Variants in SCMH1 observed in about 807,000 individuals in gnomAD.
SCMH1 encodes the protein Scm polycomb group protein homolog 1, also known as polycomb protein SCMH1.
In SCMH1, 37 loss-of-function variants were observed where a neutral mutation model predicts 70.8. The ratio of observed to expected loss-of-function variants is 0.52; its 90% CI spans 0.40 to 0.69. The LOEUF (loss-of-function observed/expected upper bound fraction) is 0.69, where lower values mean the gene tolerates loss of function less well. Ranked by LOEUF, SCMH1 falls within the 30% of genes least tolerant of loss-of-function variation. The pLI, the probability that SCMH1 is intolerant of heterozygous loss-of-function variation, is 0.00. For synonymous variants in SCMH1, 292 were observed against 307.4 expected (o/e 0.95, Z 0.52); for missense variants, 607 against 827.3 (o/e 0.73, Z 3.27).
intron 1 of SCMH1, among the ~76,000 whole-genome samples, chr1:41,207,486 G>A (rs1333203963): frequency 1.3e-5 from 2 of 152,184 alleles, no homozygotes; most frequent in Non-Finnish European, 2.9e-5. Context: ...AACAAGAAGA[G>A]CTAACTATCC....
At chr1:41,046,590 C>G in exon 12 of SCMH1, 1 of 1,613,968 alleles carries the variant, frequency 6.2e-7, no homozygotes, top group Non-Finnish European at 8.5e-7. Flanking sequence ...TGTTCCCGGT[C>G]AAACACGGCT....
intron 10 of SCMH1, among the ~76,000 whole-genome samples, chr1:41,058,845 C>T (rs1020195328): frequency 6.6e-6 from 1 of 152,172 alleles, no homozygotes; most frequent in African/African-American, 2.4e-5. Flanking sequence ...GCAGACATCT[C>T]TGGGTTGGTG....
intron 1 of SCMH1, among the ~76,000 whole-genome samples, chr1:41,215,469 A>G (rs1341897759): frequency 6.6e-6 from 1 of 151,876 alleles, no homozygotes; most frequent in Non-Finnish European, 1.5e-5. Flanking sequence ...TCTTTACATT[A>G]TTTTATTTTA....
intron 4 of SCMH1, among the ~76,000 whole-genome samples, chr1:41,154,833 G>T (rs1224608939): frequency 6.6e-6 from 1 of 152,148 alleles, no homozygotes; most frequent in Non-Finnish European, 1.5e-5. Flanking sequence ...AGTATAATTT[G>T]AATGTTTTCA....
At chr1:41,235,328 T>C (rs954002416) in intron 1 of SCMH1, among the ~76,000 whole-genome samples, 4 of 151,848 alleles carry the variant, frequency 2.6e-5, no homozygotes, top group Admixed American at 6.6e-5. Flanking sequence ...AAAATATACA[T>C]ATATTTGGGA....
chr1:41,193,996 C>T (rs1410515766), intron 1 of SCMH1, among the ~76,000 whole-genome samples: 1 of 152,180 alleles, frequency 6.6e-6, no homozygotes, highest in African/African-American at 2.4e-5. Context: ...ATACTAATTA[C>T]GAACTTACAA....
At chr1:41,116,513 T>C (rs1174418538) in intron 7 of SCMH1, among the ~76,000 whole-genome samples, 1 of 152,186 alleles carries the variant, frequency 6.6e-6, no homozygotes, top group South Asian at 2.1e-4. Context: ...GGGTATTACA[T>C]GAGATAGTAT....
At chr1:41,184,346 G>T (rs1300058712) in intron 2 of SCMH1, among the ~76,000 whole-genome samples, 1 of 152,090 alleles carries the variant, frequency 6.6e-6, no homozygotes, top group African/African-American at 2.4e-5. Context: ...TACAGGCAAA[G>T]AACTGATCAG....
chr1:41,211,718 T>C (rs1372325482), intron 1 of SCMH1, among the ~76,000 whole-genome samples: 1 of 152,202 alleles, frequency 6.6e-6, no homozygotes, highest in Non-Finnish European at 1.5e-5. Flanking sequence ...CATGCACACA[T>C]ATGTTTACTG....
chr1:41,098,198 C>A (rs1159541316), intron 8 of SCMH1, among the ~76,000 whole-genome samples: 2 of 152,278 alleles, frequency 1.3e-5, no homozygotes, highest in East Asian at 1.9e-4. Context: ...TTCACAAGCA[C>A]CTGCTTCTGT....
At chr1:41,172,193 A>AC (rs1646832419) in intron 2 of SCMH1, among the ~76,000 whole-genome samples, 1 of 151,950 alleles carries the variant, frequency 6.6e-6, no homozygotes, top group Non-Finnish European at 1.5e-5. Flanking sequence ...TCAAAAAAAA[A>AC]AAAAAAAACG....
chr1:41,078,344 C>T (rs552525066), intron 8 of SCMH1, among the ~76,000 whole-genome samples: 6 of 152,140 alleles, frequency 3.9e-5, no homozygotes, highest in South Asian at 4.1e-4. Flanking sequence ...AAGGTAACAG[C>T]GGAGACTTAA....
At chr1:41,066,161 G>T (rs115850765) in intron 10 of SCMH1, among the ~76,000 whole-genome samples, 2 of 152,182 alleles carry the variant, frequency 1.3e-5, no homozygotes, top group African/African-American at 2.4e-5. Flanking sequence ...AAAATGGTGC[G>T]TCAACTGTAG....
exon 9 of SCMH1, chr1:41,075,318 C>T: frequency 6.2e-7 from 1 of 1,614,138 alleles, no homozygotes; most frequent in Non-Finnish European, 8.5e-7. Context: ...TCTTGGGTGT[C>T]CGGCCCCGCT....
intron 1 of SCMH1, among the ~76,000 whole-genome samples, chr1:41,219,745 C>G (rs1459905379): frequency 6.6e-6 from 1 of 152,110 alleles, no homozygotes; most frequent in Non-Finnish European, 1.5e-5. Context: ...GCCTGGCCAA[C>G]ACGGCGAAAC....
In SCMH1 at chr1:41,195,342, T is replaced by C. The variant is rs555383349; in HGVS notation, c.-117-9092A>G. Among the ~76,000 whole-genome samples the C allele has an allele frequency of 1.4e-4, 22 of 151,934 alleles. No homozygotes were observed. The South Asian group carries it at 4.6e-3, about 32-fold the overall frequency. ...CTCAACAAAATACTAGCAAACAAAA[T>C]TTAGTAGCATAGTAAGAGCACACAC... On this transcript the variant is annotated intron_variant, in intron 1 of 14. Transcript: ENST00000337495.
chr1:41,171,510 C>G (rs1362478753), intron 2 of SCMH1, among the ~76,000 whole-genome samples: 1 of 151,054 alleles, frequency 6.6e-6, no homozygotes, highest in Non-Finnish European at 1.5e-5. Flanking sequence ...TGGTAAAACC[C>G]TGTCTACATT....
intron 2 of SCMH1, among the ~76,000 whole-genome samples, chr1:41,177,598 G>T (rs1557745782): frequency 6.6e-6 from 1 of 152,226 alleles, no homozygotes; most frequent in Non-Finnish European, 1.5e-5. Flanking sequence ...GAATGCACAA[G>T]CCTCAGTAGC....
intron 9 of SCMH1, 83 bp from the exon 10 acceptor site, chr1:41,070,804 G>A (rs2148876531): frequency 1.3e-6 from 2 of 1,499,320 alleles, no homozygotes; most frequent in Non-Finnish European, 1.8e-6. Context: ...CACTCATGAA[G>A]CAAAAATATA....
Sources: allele counts gnomAD v4.1 joint callset (sites outside exome capture counted in the v4.1 genomes callset), GRCh38; gene constraint gnomAD v4.1.1; transcripts MANE v1.5; gene names NCBI Gene and HGNC (gene_info 2026-07-23, HGNC 2026-07-21).